OBSL1: variants seen among roughly 807,000 people sequenced by gnomAD.
OBSL1 encodes obscurin like cytoskeletal adaptor 1.
OBSL1 carries 160 observed loss-of-function variants against 172.0 expected under a neutral mutation model. The observed-to-expected ratio is 0.93, with a 90% CI of 0.82 to 1.06. The LOEUF (loss-of-function observed/expected upper bound fraction) is 1.06. OBSL1 is among the 50% of genes least tolerant of loss of function. The pLI is 0.00. For synonymous variants in OBSL1, 1,200 were observed against 1,196.3 expected (o/e 1.00, Z -0.06); for missense variants, 2,681 against 2,715.4 (o/e 0.99, Z 0.28).
rs753356436 is a variant in OBSL1, at chr2:219,553,654, C to G, written c.4909G>C (p.Asp1637His). The G allele has an allele frequency of 1.2e-6, 2 of 1,613,758 alleles. No homozygotes were observed. Among genetic ancestry groups the G allele is most frequent in the South Asian group, 1.1e-5 (1 of 91,050 alleles). Residue 1637 changes from aspartate to histidine, a missense_variant, in exon 16 of 21, where the codon GAC becomes CAC. Coordinates refer to ENST00000404537, the MANE Select transcript of OBSL1 (RefSeq NM_015311.3). ...GTGTCGCCCTCGGTCACCTCTAGGTCGTGTGGCCCCCGCACGATGGTCACT... is the reference window on the plus strand; with the variant it reads ...GTGTCGCCCTCGGTCACCTCTAGGTGGTGTGGCCCCCGCACGATGGTCACT... ...VPVTIVRGPHDLEVTEGDTAT... is the reference protein window; with the variant it reads ...VPVTIVRGPHHLEVTEGDTAT...
chr2:219,549,868 T>A, downstream of OBSL1: 1 of 1,607,482 alleles, frequency 6.2e-7, no homozygotes, highest in Non-Finnish European at 8.5e-7. Flanking sequence ...TATCTGTCTG[T>A]CTAGACTCTG....
In OBSL1 at chr2:219,567,904, C is replaced by T; in HGVS notation, c.1348G>A (p.Val450Met). The change falls in exon 3 of 21, where the codon GTG becomes ATG. Residue 450 changes from valine to methionine, a missense_variant. Around this residue, in one of 5 missense-constraint regions of OBSL1, gnomAD observed 706 missense variants for 695.8 expected, o/e 1.01. Transcript: ENST00000404537. Reference sequence around the variant, plus strand: ...TCGACCCCGGCCTCTAGAGTTTCCACTAGCAGCACAGCATTCTCTCCTTCC... The same window carrying T: ...TCGACCCCGGCCTCTAGAGTTTCCATTAGCAGCACAGCATTCTCTCCTTCC... ...VLEGENAVLL[V>M]ETLEAGVEGR... 1 of 1,613,944 alleles carries T rather than the reference C, an allele frequency of 6.2e-7. No individual in the cohort carries two copies. Among genetic ancestry groups the T allele is most frequent in the Admixed American group, 1.7e-5 (1 of 60,022 alleles).
At position 219,571,080 on chromosome 2, in the gene OBSL1, C is replaced by T; in HGVS notation, c.153G>A (p.Gln51=). ...PVVVWEKGGQ[Q]LAASERLSFP... ...AGCTCAGGCGTTCCGAGGCCGCCAG[C>T]TGCTGCCCGCCCTTCTCCCACACCA... Residue 51 remains glutamine (Q), a synonymous_variant, in exon 1 of 21, where the codon CAG becomes CAA. Transcript: ENST00000404537. 6.8e-7 allele frequency: 1 copy of T among 1,468,968 alleles called. No homozygotes were observed. 91.0% of individuals were successfully genotyped at this position (1,468,968 alleles called of 1,614,324 possible). A position where few individuals can be genotyped will look rare whatever the true frequency, so the allele number is the denominator to read the frequency against.
intron 20 of OBSL1, chr2:219,551,143 G>A: frequency 7.1e-7 from 1 of 1,398,766 alleles, no homozygotes; most frequent in East Asian, 2.7e-5. Context: ...GAGATGGGCA[G>A]AGGCAAGCTG....
chr2:219,565,653 G>A lies in OBSL1; in HGVS notation c.2135-139C>T, dbSNP rs1260817699. On this transcript the variant is annotated intron_variant, in intron 5 of 20. Coordinates refer to ENST00000404537, the MANE Select transcript of OBSL1 (RefSeq NM_015311.3). ...TTCCACACCAACCCTTAAGAGCAGT[G>A]CTTTGGCTGTGCATAAGAATTCCTA... 7.6e-6 allele frequency: 6 copies of A among 794,306 alleles called. 1 individual carries two copies. The South Asian group carries it at 9.3e-5, about 12-fold the overall frequency. The allele number at this position is 794,306 out of a possible 1,614,324, so 49.2% of individuals were successfully genotyped here. A position where few individuals can be genotyped will look rare whatever the true frequency, so the allele number is the denominator to read the frequency against.
chr2:219,557,050 A>T (rs1346468008), intron 12 of OBSL1: 2 of 481,570 alleles, frequency 4.2e-6, no homozygotes, highest in Admixed American at 3.7e-5. Context: ...GCCGGGGCTC[A>T]GACAGGTTGA....
chr2:219,560,079 C>T (rs1696351037), intron 8 of OBSL1, among the ~76,000 whole-genome samples: 1 of 152,186 alleles, frequency 6.6e-6, no homozygotes, highest in Non-Finnish European at 1.5e-5. Flanking sequence ...ATTGATATGA[C>T]ACTTCCTAAG....
In OBSL1 at chr2:219,558,022, C is replaced by T. The variant is rs748453233; in HGVS notation, c.3591G>A (p.Leu1197=). The T allele has an allele frequency of 6.2e-7, 1 of 1,613,124 alleles. No individual in the cohort carries two copies. The highest frequency in any genetic ancestry group is 1.3e-5 in the African/African-American group (1 of 74,940). ...AGACCACGGGGGCGCCAGCCCGGGA[C>T]AGTTCACAGCTCAGCACCACTGGCT... ...PGEPVVLSCE[L]SRAGAPVVWS... The change falls in exon 11 of 21, where the codon CTG becomes CTA. Residue 1197 remains leucine, a synonymous_variant. Coordinates refer to ENST00000404537, the MANE Select transcript of OBSL1 (RefSeq NM_015311.3).
chr2:219,552,525 G>A lies in OBSL1; in HGVS notation c.5308+11C>T, dbSNP rs1238592757. The A allele has an allele frequency of 5.0e-6, 8 of 1,593,422 alleles. No individual in the cohort carries two copies. The highest frequency in any genetic ancestry group is 2.7e-5 in the African/African-American group (2 of 74,678). ...AGCGAGGGGCCCGAAAGGGTAACCAGGCGGGCAGACCTTCCTGTCGGATGC... is the reference window on the plus strand; with the variant it reads ...AGCGAGGGGCCCGAAAGGGTAACCAAGCGGGCAGACCTTCCTGTCGGATGC... On this transcript the variant is annotated intron_variant, in intron 18 of 20. Transcript: ENST00000404537.
chr2:219,552,403 C>G (rs1695687327), intron 18 of OBSL1, 133 bp downstream of exon 18: 2 of 950,800 alleles, frequency 2.1e-6, no homozygotes, highest in African/African-American at 1.7e-5. Flanking sequence ...GGGGAAAGAA[C>G]AGGGACGAGG....
chr2:219,566,029 G>GT (rs1696864804), intron 5 of OBSL1, among the ~76,000 whole-genome samples: 1 of 152,146 alleles, frequency 6.6e-6, no homozygotes, highest in Admixed American at 6.5e-5. Flanking sequence ...CTTTCAACAG[G>GT]TGGCACAGTG....
rs2292359 is a variant in OBSL1 at position 219,568,100 on chromosome 2, C to G, written c.1237G>C (p.Glu413Gln). 6.2e-7 allele frequency: 1 copy of G among 1,613,244 alleles called. No homozygotes were observed. The highest frequency in any genetic ancestry group is 1.7e-5 in the Admixed American group (1 of 60,022). The change falls in exon 2 of 21, where the codon GAG becomes CAG. Residue 413 changes from glutamate to glutamine, a missense_variant. Transcript: ENST00000404537. This position sits in a 1 kb window ranked among gnomAD's most constrained non-coding sequence, Gnocchi z 4.1. ...ACGGTGCGCACCCGGCCCCGCATCT[C>G]GCACAGGTAGATACCATCATCGTCT... ...KADDDGIYLC[E>Q]MRGRVRTVAN...
Position 219,562,622 on chromosome 2 carries a change from C to A in OBSL1, c.2733G>T (p.Val911=), listed in dbSNP as rs1159763038. The A allele has an allele frequency of 1.9e-6, 3 of 1,591,510 alleles. No individual in the cohort carries two copies. Among genetic ancestry groups the A allele is most frequent in the Middle Eastern group, 1.7e-4 (1 of 6,036 alleles). ...AGGTCAGCACCACACGCTCCAGGCGCACGGCTGCCACATACACCTTGCCGC... is the reference window on the plus strand; with the variant it reads ...AGGTCAGCACCACACGCTCCAGGCGAACGGCTGCCACATACACCTTGCCGC... The part of the protein sequence containing the change: ...YPSGKVYVAA[V]RLERVVLTCE... The change falls in exon 8 of 21, where the codon GTG becomes GTT. Residue 911 remains valine (V), a synonymous_variant. Coordinates refer to ENST00000404537, the MANE Select transcript of OBSL1 (RefSeq NM_015311.3).
Position 219,557,175 on chromosome 2 carries a change from G to A in OBSL1, c.4066+168C>T, listed in dbSNP as rs533412839. 2.8e-4 allele frequency: 177 copies of A among 626,216 alleles called. 1 individual carries two copies. In the African/African-American group the frequency reaches 2.9e-3, roughly 10 times the overall value. The allele number at this position is 626,216 out of a possible 1,614,324, so 38.8% of individuals were successfully genotyped here. ...CTGGTTTATGCTGCTCTCAACATGA[G>A]GGTTTCTGGAAAGAGGAGCCCTGAG... On this transcript the variant is annotated intron_variant, in intron 12 of 20. Transcript: ENST00000404537.
intron 7 of OBSL1, 52 bp from the exon 8 acceptor site, chr2:219,562,726 C>T (rs1203503311): frequency 3.3e-6 from 5 of 1,497,602 alleles, no homozygotes; most frequent in African/African-American, 1.4e-5. Flanking sequence ...CCCTGCCGTC[C>T]TCCCTGACCC....
At chr2:219,552,489 C>T (rs1284182600) in intron 18 of OBSL1, 47 bp downstream of exon 18, 2 of 1,546,148 alleles carry the variant, frequency 1.3e-6, no homozygotes, top group African/African-American at 2.7e-5. Flanking sequence ...CTGTTCGAGC[C>T]TGGGCGGGGC....
rs2106067799 is a variant in OBSL1 at position 219,562,646 on chromosome 2, G to GCTGGGATTT, written c.2708_2709insAAATCCCAG (p.Pro902_Ser903insArgAsnPro). On this transcript the variant is annotated inframe_insertion, in exon 8 of 21. Transcript: ENST00000404537. ...GCACGGCTGCCACATACACCTTGCC[G>GCTGGGATTT]CTGGGATACACGATCCACGAGGAGA... 2 of 1,567,186 alleles carry GCTGGGATTT rather than the reference G, an allele frequency of 1.3e-6. No homozygotes were observed. Among genetic ancestry groups the GCTGGGATTT allele is most frequent in the Middle Eastern group, 1.7e-4 (1 of 6,012 alleles).
chr2:219,550,567 G>A (rs1319774207), downstream of OBSL1: 2 of 525,352 alleles, frequency 3.8e-6, no homozygotes, highest in Non-Finnish European at 6.8e-6. Context: ...TTTTATAAAT[G>A]TGCCAAACTG....
At chr2:219,553,429 G>A in intron 16 of OBSL1, 145 bp downstream of exon 16, 4 of 699,864 alleles carry the variant, frequency 5.7e-6, no homozygotes, top group Non-Finnish European at 1.0e-5. Context: ...TCCTAGAGTT[G>A]TCCTTGGAGT....
Sources: allele counts gnomAD v4.1 joint callset (sites outside exome capture counted in the v4.1 genomes callset), GRCh38; gene constraint gnomAD v4.1.1; regional missense constraint gnomAD v4.1.1; non-coding constraint Gnocchi (gnomAD v3.1); transcripts MANE v1.5; gene names NCBI Gene and HGNC (gene_info 2026-07-23, HGNC 2026-07-21).